The following JAK2 variants were observed in gnomAD, a reference collection of about 807,000 sequenced individuals.
JAK2 encodes the protein Janus kinase 2.
Under a neutral mutation model 139.3 loss-of-function variants are expected in JAK2, and 86 were observed. That is an observed-to-expected ratio of 0.62 (90% CI 0.52 to 0.74). The LOEUF (loss-of-function observed/expected upper bound fraction) is 0.74, where lower values mean the gene tolerates loss of function less well. Among genes scored for constraint, JAK2 ranks in the 30% least tolerant of loss-of-function variants. The probability of loss-of-function intolerance (pLI) is 0.00; values close to 1 mark genes in which losing one functional copy is unlikely to be tolerated. For missense variants in JAK2, 1,421 were observed against 1,360.3 expected, an observed-to-expected ratio of 1.04 and a Z score of -0.70; for synonymous variants, 490 against 437.7, an observed-to-expected ratio of 1.12 and a Z score of -1.49.
chr9:4,998,457 A>G (rs576878324), intron 2 of JAK2, among the ~76,000 whole-genome samples: 5 of 151,974 alleles, frequency 3.3e-5, no homozygotes, highest in Admixed American at 2.6e-4. Flanking sequence ...GGGTTTCACC[A>G]TGTTGGTCAG....
chr9:4,991,728 G>A (rs1820265642), intron 2 of JAK2, among the ~76,000 whole-genome samples: 1 of 114,262 alleles, frequency 8.8e-6, no homozygotes, highest in African/African-American at 3.5e-5. Flanking sequence ...TCTAATTCCT[G>A]TACACCAGGC....
intron 22 of JAK2, chr9:5,110,576 C>G (rs1362143656): frequency 5.8e-6 from 1 of 172,810 alleles, no homozygotes; most frequent in Non-Finnish European, 1.2e-5. Context: ...CTTCCTCTTC[C>G]CTTATTATTG....
intron 10 of JAK2, among the ~76,000 whole-genome samples, chr9:5,068,700 G>T (rs1818739084): frequency 6.6e-6 from 1 of 152,190 alleles, no homozygotes; most frequent in African/African-American, 2.4e-5. Flanking sequence ...GCTCATGGAA[G>T]GCTCTATATG....
chr9:5,022,151 T>C lies in JAK2; in HGVS notation c.164T>C (p.Leu55Pro). 3.7e-6 allele frequency: 6 copies of C among 1,614,220 alleles called. No individual in the cohort carries two copies. The highest frequency in any genetic ancestry group is 5.1e-6 in the Non-Finnish European group (6 of 1,180,014). The change falls in exon 3 of 25, where the codon CTG becomes CCG. Residue 55 changes from leucine to proline, a missense_variant. Transcript: ENST00000381652. ...CTTGGGAAATCTGAGGCAGATTATC[T>C]GACCTTTCCATCTGGGGAGTATGTT... ...HSLGKSEADY[L>P]TFPSGEYVAE...
chr9:5,063,761 T>C (rs1047939668), intron 8 of JAK2, among the ~76,000 whole-genome samples: 8 of 152,252 alleles, frequency 5.3e-5, no homozygotes, highest in African/African-American at 1.9e-4. Context: ...CTTTTTTCAT[T>C]ATATAACTGA....
chr9:5,117,717 T>C (rs1033208184), intron 22 of JAK2, among the ~76,000 whole-genome samples: 4 of 151,968 alleles, frequency 2.6e-5, no homozygotes, highest in Admixed American at 2.6e-4. Flanking sequence ...TTTAATATGG[T>C]AAATACTGGT....
At chr9:4,997,187 C>T (rs1217878756) in intron 2 of JAK2, among the ~76,000 whole-genome samples, 3 of 152,096 alleles carry the variant, frequency 2.0e-5, no homozygotes, top group Non-Finnish European at 4.4e-5. Flanking sequence ...CTGCATCAGC[C>T]TCCCAAAGTG....
intron 22 of JAK2, chr9:5,097,396 C>G (rs939740550): frequency 3.9e-5 from 6 of 152,142 alleles, no homozygotes; most frequent in Admixed American, 2.0e-4. Context: ...TATCCTTATT[C>G]TATCAGGCTT....
Position 5,055,862 on chromosome 9 carries a change from C to T in JAK2, c.1056+74C>T, listed in dbSNP as rs1374007313. ...AAATGTGTATTTTAGAATCTTAGTA[C>T]CAAAATTATTTTCTGGTAGGAATTT... On this transcript the variant is annotated intron_variant, in intron 8 of 24. Transcript: ENST00000381652. 4 of 1,330,252 alleles carry T rather than the reference C, an allele frequency of 3.0e-6. No homozygotes were observed. The Admixed American group carries it at 6.6e-5, about 22-fold the overall frequency. The allele number at this position is 1,330,252 out of a possible 1,614,324, so 82.4% of individuals were successfully genotyped here.
chr9:5,033,488 G>C (rs1308765579), intron 4 of JAK2, among the ~76,000 whole-genome samples: 1 of 152,200 alleles, frequency 6.6e-6, no homozygotes, highest in Non-Finnish European at 1.5e-5. Flanking sequence ...GGCAGCCAGA[G>C]AGAAAGGTTG....
intron 19 of JAK2, among the ~76,000 whole-genome samples, chr9:5,088,583 C>G (rs548223083): frequency 2.0e-5 from 3 of 152,112 alleles, no homozygotes; most frequent in Admixed American, 2.0e-4. Context: ...CTAAAAGTTT[C>G]TTACTTCTTA....
chr9:5,080,057 C>T (rs779712719), intron 16 of JAK2, among the ~76,000 whole-genome samples, 172 bp from the exon 17 acceptor site: 11 of 152,136 alleles, frequency 7.2e-5, no homozygotes, highest in Non-Finnish European at 1.3e-4. Flanking sequence ...TCTTGAAGGT[C>T]CCTTCTGGTT....
intron 14 of JAK2, 107 bp downstream of exon 14, chr9:5,073,892 T>C (rs576343945): frequency 9.9e-6 from 7 of 703,620 alleles, no homozygotes; most frequent in Non-Finnish European, 1.7e-5. Context: ...TAAACTATAA[T>C]TTAACAGGAG....
chr9:5,037,421 G>T (rs548511545), intron 4 of JAK2, among the ~76,000 whole-genome samples: 1 of 152,086 alleles, frequency 6.6e-6, no homozygotes, highest in Non-Finnish European at 1.5e-5. Flanking sequence ...TGTTTATTGC[G>T]GCACTATTCA....
intron 14 of JAK2, among the ~76,000 whole-genome samples, chr9:5,075,624 C>T (rs909342301): frequency 6.6e-6 from 1 of 152,158 alleles, no homozygotes; most frequent in South Asian, 2.1e-4. Context: ...AAAAAGATTG[C>T]TTTCAAAGTA....
intron 7 of JAK2, 108 bp from the exon 8 acceptor site, chr9:5,055,561 C>A: frequency 2.4e-6 from 2 of 837,332 alleles, no homozygotes; most frequent in South Asian, 1.8e-5. Context: ...GTTATCAATA[C>A]CTTTTTTATT....
At chr9:5,002,021 C>CTTT (rs1296200060) in intron 2 of JAK2, among the ~76,000 whole-genome samples, 1 of 151,766 alleles carries the variant, frequency 6.6e-6, no homozygotes, top group East Asian at 1.9e-4. Flanking sequence ...CGATATCCTG[C>CTTT]TTTTTTTACA....
At chr9:5,053,972 C>G (rs977584707) in intron 6 of JAK2, among the ~76,000 whole-genome samples, 1 of 151,910 alleles carries the variant, frequency 6.6e-6, no homozygotes, top group African/African-American at 2.4e-5. Flanking sequence ...AATAAATTAC[C>G]TTCTTTAGAA....
intron 19 of JAK2, among the ~76,000 whole-genome samples, chr9:5,086,848 C>A (rs757591149): frequency 3.9e-5 from 6 of 152,140 alleles, no homozygotes; most frequent in Non-Finnish European, 8.8e-5. Context: ...TAGAGAGCTT[C>A]TCATAGAGCA....
Sources: gnomAD v4.1 joint callset for allele counts (sites outside exome capture counted in the v4.1 genomes callset) on GRCh38, gnomAD v4.1.1 for gene constraint, MANE v1.5 for transcripts, NCBI Gene and HGNC (gene_info 2026-07-23, HGNC 2026-07-21) for gene names.